Variants in RELN observed in about 807,000 individuals in gnomAD.
RELN encodes the protein reelin.
RELN carries 108 observed loss-of-function variants against 427.6 expected under a neutral mutation model. The observed-to-expected ratio is 0.25, with a 90% CI of 0.22 to 0.30. RELN has a LOEUF of 0.30. Among genes scored for constraint, RELN ranks in the 10% least tolerant of loss-of-function variants. The pLI, the probability that RELN is intolerant of heterozygous loss-of-function variation, is 1.00. For synonymous variants in RELN, 1,524 were observed against 1,513.4 expected (o/e 1.01, Z -0.16); for missense variants, 3,715 against 4,302.8 (o/e 0.86, Z 3.82).
At chr7:103,809,768 T>C (rs1246024381) in intron 3 of RELN, among the ~76,000 whole-genome samples, 1 of 152,170 alleles carries the variant, frequency 6.6e-6, no homozygotes, top group Non-Finnish European at 1.5e-5. Flanking sequence ...TAATAGATAA[T>C]GTCTAAACTA....
chr7:103,561,571 A>T lies in RELN; in HGVS notation c.5490T>A (p.Gly1830=), dbSNP rs774954791. Residue 1830 remains glycine (G), a synonymous_variant, in exon 36 of 65, where the codon GGT becomes GGA. Coordinates refer to ENST00000428762, the MANE Select transcript of RELN (RefSeq NM_005045.4). ...GAGATGTTCCAGATTTGATGGTTTC[A>T]CCATTCAGATTCCCCCTCTCTGCAC... ...VYGAERGNLN[G]ETIKSGTSLI... 6.6e-5 allele frequency: 106 copies of T among 1,613,800 alleles called. No homozygotes were observed. The East Asian group carries it at 2.3e-3, about 35-fold the overall frequency.
intron 1 of RELN, among the ~76,000 whole-genome samples, chr7:103,974,602 C>T (rs986263844): frequency 1.3e-5 from 2 of 152,196 alleles, no homozygotes; most frequent in African/African-American, 4.8e-5. Context: ...GATATCAATA[C>T]ATGTAATTTA....
intron 2 of RELN, among the ~76,000 whole-genome samples, chr7:103,886,704 T>G (rs1794732431): frequency 6.6e-6 from 1 of 152,220 alleles, no homozygotes. Context: ...ACAATTAAGG[T>G]CACCTAAATT....
intron 8 of RELN, among the ~76,000 whole-genome samples, chr7:103,703,641 A>G (rs1167615336): frequency 6.6e-6 from 1 of 152,162 alleles, no homozygotes; most frequent in Non-Finnish European, 1.5e-5. Flanking sequence ...GAAATTTAAA[A>G]CCAGAAAGGA....
chr7:103,786,444 C>A (rs1470261562), intron 3 of RELN, among the ~76,000 whole-genome samples: 1 of 149,846 alleles, frequency 6.7e-6, no homozygotes, highest in Non-Finnish European at 1.5e-5. Context: ...ATTCAGGAGA[C>A]CCATCTCATG....
chr7:103,496,427 G>C, intron 56 of RELN, 99 bp downstream of exon 56: 1 of 1,481,042 alleles, frequency 6.8e-7, no homozygotes, highest in South Asian at 1.1e-5. Flanking sequence ...GTATGGGCTA[G>C]GCACTCTTAT....
chr7:103,568,980 C>T (rs1830822037), intron 31 of RELN, among the ~76,000 whole-genome samples: 3 of 152,334 alleles, frequency 2.0e-5, no homozygotes, highest in South Asian at 4.1e-4. Context: ...TTCTTTGACA[C>T]TCTTCCGTTC....
At chr7:103,565,655 C>G in intron 33 of RELN, 104 bp from the exon 34 acceptor site, 1 of 1,112,996 alleles carries the variant, frequency 9.0e-7, no homozygotes, top group Non-Finnish European at 1.3e-6. Flanking sequence ...AAATCATGGC[C>G]TATCTTTAGT....
intron 46 of RELN, among the ~76,000 whole-genome samples, chr7:103,532,149 GATGGAGCTGGAAGCCATTATCCTCA>G (rs1829954251): frequency 6.6e-6 from 1 of 152,192 alleles, no homozygotes; most frequent in African/African-American, 2.4e-5. Flanking sequence ...CAGGGATGTG[GATGGAGCTGGAAGCCATTATCCTCA>G]GCAAACTAAT....
chr7:103,533,039 A>G (rs1829974655), intron 46 of RELN, among the ~76,000 whole-genome samples: 1 of 152,240 alleles, frequency 6.6e-6, no homozygotes, highest in African/African-American at 2.4e-5. Context: ...TGAATGAATA[A>G]TTGCTACTGA....
intron 1 of RELN, among the ~76,000 whole-genome samples, chr7:103,944,140 C>A (rs1002678602): frequency 6.6e-6 from 1 of 152,188 alleles, no homozygotes; most frequent in Non-Finnish European, 1.5e-5. Context: ...AAAACTGTGG[C>A]AAACTAGACC....
intron 3 of RELN, among the ~76,000 whole-genome samples, chr7:103,778,889 G>C (rs961743294): frequency 6.6e-6 from 1 of 152,094 alleles, no homozygotes; most frequent in Non-Finnish European, 1.5e-5. Context: ...CAAAATTACG[G>C]GGCTCCACAC....
Position 103,603,275 on chromosome 7 carries a change from C to T in RELN, c.3333+29G>A, listed in dbSNP as rs766088703. ...TCTCATATTAAACTAGCCATTGCCCCGATGACTTATCCCAGCTGTTGGTCA... is the reference window on the plus strand; with the variant it reads ...TCTCATATTAAACTAGCCATTGCCCTGATGACTTATCCCAGCTGTTGGTCA... On this transcript the variant is annotated intron_variant, in intron 24 of 64. Coordinates refer to ENST00000428762, the MANE Select transcript of RELN (RefSeq NM_005045.4). This position sits in a 1 kb window ranked among gnomAD's most constrained non-coding sequence, Gnocchi z 4.3. 1.2e-5 allele frequency: 19 copies of T among 1,583,540 alleles called. No individual in the cohort carries two copies. The highest frequency in any genetic ancestry group is 4.5e-5 in the East Asian group (2 of 44,740).
At chr7:103,516,553 G>T (rs1829571203) in intron 49 of RELN, among the ~76,000 whole-genome samples, 7 of 152,068 alleles carry the variant, frequency 4.6e-5, no homozygotes, top group Admixed American at 4.6e-4. Flanking sequence ...CTCCCAAAGT[G>T]CTGGGATTAC....
At chr7:103,583,306 C>G (rs202025496) in intron 28 of RELN, among the ~76,000 whole-genome samples, 1 of 152,146 alleles carries the variant, frequency 6.6e-6, no homozygotes, top group East Asian at 1.9e-4. Context: ...CCACCATAAT[C>G]GTGTGAACCA....
rs1251461554 is a variant in RELN at position 103,565,206 on chromosome 7, G to A, written c.5210+72C>T. On this transcript the variant is annotated intron_variant, in intron 34 of 64. Coordinates refer to ENST00000428762, the MANE Select transcript of RELN (RefSeq NM_005045.4). ...GAAAGAATAATAGAATCCCCAGGCC[G>A]AATCACAATTATTTTCAAATTAAGT... The A allele has an allele frequency of 1.7e-5, 26 of 1,531,116 alleles. No individual in the cohort carries two copies. The South Asian group carries it at 1.9e-4, about 11-fold the overall frequency. 94.8% of individuals were successfully genotyped at this position (1,531,116 alleles called of 1,614,324 possible).
intron 41 of RELN, among the ~76,000 whole-genome samples, chr7:103,547,548 T>C (rs1020365385): frequency 1.3e-4 from 20 of 152,182 alleles, no homozygotes; most frequent in Non-Finnish European, 2.2e-4. Context: ...CCGCCCACCT[T>C]GGCCTCTCAA....
intron 57 of RELN, among the ~76,000 whole-genome samples, chr7:103,494,334 C>T (rs937137953): frequency 5.5e-5 from 8 of 146,754 alleles, no homozygotes; most frequent in African/African-American, 2.1e-4. Flanking sequence ...TTAAAATGAC[C>T]TAGTAATACA....
At chr7:103,575,846 T>G (rs1211189675) in intron 28 of RELN, 141 bp from the exon 29 acceptor site, 2 of 920,112 alleles carry the variant, frequency 2.2e-6, no homozygotes, top group Middle Eastern at 3.1e-4. Context: ...TTAACCTTCA[T>G]AAGCTGTCTC....
Sources: gnomAD v4.1 joint callset for allele counts (sites outside exome capture counted in the v4.1 genomes callset) on GRCh38, gnomAD v4.1.1 for gene constraint, Gnocchi (gnomAD v3.1) non-coding constraint, MANE v1.5 for transcripts, NCBI Gene and HGNC (gene_info 2026-07-23, HGNC 2026-07-21) for gene names.